STON2: variants seen among roughly 807,000 people sequenced by gnomAD.
The protein encoded by STON2 is stonin-2.
In STON2, 29 loss-of-function variants were observed where a neutral mutation model predicts 65.7. The ratio of observed to expected loss-of-function variants is 0.44; its 90% CI spans 0.33 to 0.60. The LOEUF is 0.60. Among genes scored for constraint, STON2 ranks in the 20% least tolerant of loss-of-function variants. The pLI is 0.03. For synonymous variants in STON2, 404 were observed against 414.2 expected, an observed-to-expected ratio of 0.98 and a Z score of 0.30; for missense variants, 1,054 against 1,118.1, an observed-to-expected ratio of 0.94 and a Z score of 0.82.
chr14:81,367,018 C>T (rs1898765547), intron 4 of STON2, among the ~76,000 whole-genome samples: 1 of 152,088 alleles, frequency 6.6e-6, no homozygotes, highest in South Asian at 2.1e-4. Context: ...TTCGGTTTAC[C>T]CAACTGGAAC....
At chr14:81,269,673 G>C in intron 7 of STON2, 11 of 985,172 alleles carry the variant, frequency 1.1e-5, no homozygotes, top group Non-Finnish European at 1.3e-5. Flanking sequence ...GAAACATTTA[G>C]AGGAACAATA....
At chr14:81,316,272 T>C (rs148449434) in intron 5 of STON2, among the ~76,000 whole-genome samples, 142 of 152,260 alleles carry the variant, frequency 9.3e-4, no homozygotes, top group African/African-American at 3.3e-3. Context: ...AACTTCTAAA[T>C]AGTCTCCTCG....
chr14:81,278,297 C>T lies in STON2; in HGVS notation c.1185G>A (p.Gln395=), dbSNP rs1371619620. Reference sequence around the variant, plus strand: ...TGGAACTGTTTTGGGAGCGCCTCTCCTGCTCCTCAAAGAAAGCACTGAAAG... The same window carrying T: ...TGGAACTGTTTTGGGAGCGCCTCTCTTGCTCCTCAAAGAAAGCACTGAAAG... ...INPFSAFFEE[Q]ERRSQNSSIS... Residue 395 remains glutamine, a synonymous_variant, in exon 6 of 8, where the codon CAG becomes CAA. Transcript: ENST00000614646. 8 of 1,614,076 alleles carry T rather than the reference C, an allele frequency of 5.0e-6. No individual in the cohort carries two copies. Among genetic ancestry groups the T allele is most frequent in the Non-Finnish European group, 6.8e-6 (8 of 1,180,042 alleles).
intron 3 of STON2, among the ~76,000 whole-genome samples, chr14:81,386,340 C>T (rs1339094856): frequency 6.6e-6 from 1 of 151,850 alleles, no homozygotes; most frequent in Non-Finnish European, 1.5e-5. Context: ...CCCCCACCCA[C>T]CACTCACTAC....
intron 4 of STON2, among the ~76,000 whole-genome samples, chr14:81,339,114 G>A (rs1002234001): frequency 3.9e-5 from 6 of 152,090 alleles, no homozygotes; most frequent in Non-Finnish European, 7.4e-5. Flanking sequence ...CAGGAGGAAA[G>A]AAAGGGCAGG....
At chr14:81,355,438 A>G (rs928952619) in intron 4 of STON2, among the ~76,000 whole-genome samples, 1 of 152,188 alleles carries the variant, frequency 6.6e-6, no homozygotes, top group Non-Finnish European at 1.5e-5. Context: ...ATACAACTAT[A>G]ATCAATTTCT....
intron 4 of STON2, among the ~76,000 whole-genome samples, chr14:81,368,406 A>G (rs1898834706): frequency 6.6e-6 from 1 of 152,162 alleles, no homozygotes; most frequent in Non-Finnish European, 1.5e-5. Context: ...GCTAGCTATA[A>G]CTATTACTAC....
At chr14:81,359,854 G>C (rs1355222555) in intron 4 of STON2, among the ~76,000 whole-genome samples, 1 of 152,172 alleles carries the variant, frequency 6.6e-6, no homozygotes, top group Non-Finnish European at 1.5e-5. Context: ...CCAGTAAGGA[G>C]ACTGAACCAG....
intron 4 of STON2, among the ~76,000 whole-genome samples, chr14:81,364,569 T>G (rs1898635569): frequency 6.6e-6 from 1 of 152,110 alleles, no homozygotes; most frequent in South Asian, 2.1e-4. Context: ...AAGTAGGCAG[T>G]AGAGATTAAT....
At chr14:81,325,670 C>A (rs1896981224) in intron 4 of STON2, among the ~76,000 whole-genome samples, 1 of 151,914 alleles carries the variant, frequency 6.6e-6, no homozygotes, top group Non-Finnish European at 1.5e-5. Flanking sequence ...TAAAGGATAC[C>A]CGTGATGTGT....
intron 7 of STON2, 109 bp from the exon 8 acceptor site, chr14:81,268,606 C>A: frequency 8.0e-7 from 1 of 1,256,652 alleles, no homozygotes; most frequent in Non-Finnish European, 1.0e-6. Flanking sequence ...TATAATTTTG[C>A]TAACATTTTG....
chr14:81,391,932 C>T (rs962821749), intron 3 of STON2, among the ~76,000 whole-genome samples: 13 of 152,122 alleles, frequency 8.5e-5, no homozygotes, highest in African/African-American at 3.1e-4. Flanking sequence ...CAAAATTATG[C>T]TTTCATGCAT....
rs1894937120 is a variant in STON2 at position 81,278,072 on chromosome 14, A to G, written c.1410T>C (p.Asp470=). The change falls in exon 6 of 8, where the codon GAT becomes GAC. Residue 470 remains aspartate (D), a synonymous_variant. Coordinates refer to ENST00000614646, the MANE Select transcript of STON2 (RefSeq NM_001394390.1). ...DDDPVAWIEL[D]AHPPGSARSQ... ...ACCGTGCTGATCCAGGCGGGTGAGC[A>G]TCTAGTTCAATCCAGGCTACTGGGT... 1 of 1,614,074 alleles carries G rather than the reference A, an allele frequency of 6.2e-7. No homozygotes were observed.
chr14:81,376,389 C>G (rs1300757006), intron 3 of STON2, among the ~76,000 whole-genome samples: 1 of 151,816 alleles, frequency 6.6e-6, no homozygotes, highest in Non-Finnish European at 1.5e-5. Context: ...TATAGAAGTC[C>G]TAGCAAAATA....
intron 2 of STON2, among the ~76,000 whole-genome samples, chr14:81,408,025 A>G (rs1900953621): frequency 6.6e-6 from 1 of 152,096 alleles, no homozygotes; most frequent in African/African-American, 2.4e-5. Context: ...GGAAGACTAA[A>G]TTAGATTAAG....
chr14:81,265,858 CA>C lies in STON2; in HGVS notation c.*2555del. On this transcript the variant is annotated 3_prime_UTR_variant, in exon 8 of 8. Transcript: ENST00000614646. Reference sequence around the variant, plus strand: ...ACAAGCAATCCACATGTTATGCTAGCAGATGAGGCAGAGATCTTGACAGAGT... The same window carrying C: ...ACAAGCAATCCACATGTTATGCTAGCGATGAGGCAGAGATCTTGACAGAGT... 1.0e-6 allele frequency: 1 copy of C among 985,242 alleles called. No homozygotes were observed. The highest frequency in any genetic ancestry group is 1.2e-6 in the Non-Finnish European group (1 of 829,896). The allele number at this position is 985,242 out of a possible 1,614,324, so 61.0% of individuals were successfully genotyped here.
chr14:81,416,790 C>T (rs139318760), intron 2 of STON2, among the ~76,000 whole-genome samples: 33 of 152,272 alleles, frequency 2.2e-4, no homozygotes, highest in African/African-American at 7.7e-4. Flanking sequence ...GAAGGGAGTC[C>T]AGTTGTGACA....
At chr14:81,415,011 G>C (rs917164086) in intron 2 of STON2, among the ~76,000 whole-genome samples, 3 of 152,024 alleles carry the variant, frequency 2.0e-5, no homozygotes, top group Admixed American at 2.0e-4. Context: ...ACAAAGTCAG[G>C]TGCTTTGGAG....
chr14:81,354,980 G>A (rs927739694), intron 4 of STON2, among the ~76,000 whole-genome samples: 8 of 150,710 alleles, frequency 5.3e-5, no homozygotes, highest in East Asian at 3.9e-4. Flanking sequence ...AGATCACTCC[G>A]TCTCAGAAGA....
Sources: allele counts gnomAD v4.1 joint callset (sites outside exome capture counted in the v4.1 genomes callset), GRCh38; gene constraint gnomAD v4.1.1; transcripts MANE v1.5; gene names NCBI Gene and HGNC (gene_info 2026-07-23, HGNC 2026-07-21).